PCDHGA2: variants seen among roughly 807,000 people sequenced by gnomAD.
PCDHGA2 encodes protocadherin gamma subfamily A, 2, also known as protocadherin gamma-A2.
A neutral mutation model predicts 59.2 loss-of-function variants in PCDHGA2; 40 were observed. The observed-to-expected ratio is 0.68, with a 90% CI of 0.52 to 0.88. The LOEUF (loss-of-function observed/expected upper bound fraction) is 0.88, where lower values mean the gene tolerates loss of function less well. PCDHGA2 is among the 40% of genes least tolerant of loss of function. The probability of loss-of-function intolerance (pLI) is 0.00; values close to 1 mark genes in which losing one functional copy is unlikely to be tolerated. For synonymous variants in PCDHGA2, 560 were observed against 526.0 expected (o/e 1.06, Z -0.89); for missense variants, 1,226 against 1,204.0 (o/e 1.02, Z -0.27).
At chr5:141,352,051 C>G (rs1319194846) in intron 1 of PCDHGA2, 2 of 1,607,206 alleles carry the variant, frequency 1.2e-6, no homozygotes, top group East Asian at 2.2e-5. Flanking sequence ...CAGGACACAA[C>G]GCTTGGCTGT....
rs1247622738 is a variant in PCDHGA2 at position 141,339,685 on chromosome 5, T to A, written c.714T>A (p.Asn238Lys). ...ICVKVLDAND[N>K]APVFTQPEYR... ...TGAAGGTCCTGGATGCGAACGACAA[T>A]GCGCCTGTTTTTACACAGCCCGAGT... Residue 238 changes from asparagine (N) to lysine (K), a missense_variant, in exon 1 of 4, where the codon AAT (asparagine) becomes AAA (lysine). By Grantham distance (94) the Asn-to-Lys change is moderately conservative. Transcript: ENST00000394576. The A allele has an allele frequency of 1.9e-6, 3 of 1,614,118 alleles. No homozygotes were observed. The African/African-American group carries it at 4.0e-5, about 22-fold the overall frequency.
At chr5:141,422,420 C>A in intron 1 of PCDHGA2, 2 of 1,607,576 alleles carry the variant, frequency 1.2e-6, no homozygotes, top group Non-Finnish European at 1.7e-6. Context: ...TTAGAAAAGA[C>A]TTATGGAAAT....
chr5:141,375,761 C>T (rs1771855837), intron 1 of PCDHGA2: 1 of 1,614,118 alleles, frequency 6.2e-7, no homozygotes, highest in Admixed American at 1.7e-5. Flanking sequence ...TGACAATGCG[C>T]CCGAGATCCT....
chr5:141,384,763 T>C, intron 1 of PCDHGA2: 1 of 1,613,952 alleles, frequency 6.2e-7, no homozygotes. Context: ...GGTTGGGCTG[T>C]ACACGGGCGA....
chr5:141,350,257 T>A (rs1295049425), intron 1 of PCDHGA2: 1 of 1,509,952 alleles, frequency 6.6e-7, no homozygotes, highest in Non-Finnish European at 8.8e-7. Context: ...GGAGAGTTCC[T>A]GAAATGCAGA....
In PCDHGA2 at chr5:141,423,081, C is replaced by T. The variant is rs1393904828; in HGVS notation, c.2425-71726C>T. 3.1e-6 allele frequency: 5 copies of T among 1,613,966 alleles called. No individual in the cohort carries two copies. The African/African-American group carries it at 4.0e-5, about 13-fold the overall frequency. ...TTAAGGCCAGCGAGCCGGGACTCTT[C>T]GCGGTGGGGGAGCACACGGGCGAGG... is the stretch of plus-strand genomic sequence containing the variant. On this transcript the variant is annotated intron_variant, in intron 1 of 3. Coordinates refer to ENST00000394576, the MANE Select transcript of PCDHGA2 (RefSeq NM_018915.4).
intron 1 of PCDHGA2, among the ~76,000 whole-genome samples, chr5:141,492,474 G>T (rs2099741007): frequency 6.6e-6 from 1 of 152,218 alleles, no homozygotes; most frequent in African/African-American, 2.4e-5. Context: ...CCCAGATCGC[G>T]GCCGCCCAGG....
chr5:141,472,770 G>C (rs953423129), intron 1 of PCDHGA2, among the ~76,000 whole-genome samples: 5 of 152,046 alleles, frequency 3.3e-5, no homozygotes, highest in Admixed American at 6.6e-5. Flanking sequence ...CAGATCACCT[G>C]AGGTTGGGAG....
chr5:141,381,143 G>A (rs1277267624), intron 1 of PCDHGA2, among the ~76,000 whole-genome samples: 1 of 152,184 alleles, frequency 6.6e-6, no homozygotes, highest in Non-Finnish European at 1.5e-5. Flanking sequence ...CCACCAGAAA[G>A]CAGAAATAGG....
At chr5:141,381,949 C>T (rs897929706) in intron 1 of PCDHGA2, among the ~76,000 whole-genome samples, 2 of 150,880 alleles carry the variant, frequency 1.3e-5, no homozygotes, top group Non-Finnish European at 2.9e-5. Context: ...CCTGCCTCAG[C>T]CTCCTGAGTA....
At chr5:141,344,939 A>G in intron 1 of PCDHGA2, 9 of 1,613,932 alleles carry the variant, frequency 5.6e-6, no homozygotes, top group Admixed American at 1.7e-5. Context: ...GAGAAGTATC[A>G]ATATTAAAAA....
In PCDHGA2 at chr5:141,490,682, C is replaced by T. The variant is rs1286126848; in HGVS notation, c.2425-4125C>T. On this transcript the variant is annotated intron_variant, in intron 1 of 3. Coordinates refer to ENST00000394576, the MANE Select transcript of PCDHGA2 (RefSeq NM_018915.4). The surrounding 1 kb of genome is among the most constrained non-coding windows in gnomAD (Gnocchi z 5.4). ...CTTTGCACTGTGGCTGCCTCAGATC[C>T]AGACACTGGGGATAATGCCCGCCTC... 10 of 1,614,054 alleles carry T rather than the reference C, an allele frequency of 6.2e-6. No homozygotes were observed. The highest frequency in any genetic ancestry group is 3.3e-5 in the Admixed American group (2 of 60,008).
chr5:141,506,162 C>T (rs1448735916), intron 3 of PCDHGA2, among the ~76,000 whole-genome samples: 1 of 152,124 alleles, frequency 6.6e-6, no homozygotes, highest in Non-Finnish European at 1.5e-5. Flanking sequence ...CTTAAGAGCA[C>T]AGCCTAAGCT....
At chr5:141,382,271 A>T (rs1445188092) in intron 1 of PCDHGA2, among the ~76,000 whole-genome samples, 1 of 152,214 alleles carries the variant, frequency 6.6e-6, no homozygotes, top group East Asian at 1.9e-4. Context: ...TCTAGAACAT[A>T]TGTGTTCAAT....
At chr5:141,418,794 TAGAA>T in intron 1 of PCDHGA2, 1 of 1,613,706 alleles carries the variant, frequency 6.2e-7, no homozygotes, top group South Asian at 1.1e-5. Flanking sequence ...TTTGAAGAAG[TAGAA>T]AGATATACGA....
Position 141,432,099 on chromosome 5 carries a change from A to G in PCDHGA2, c.2425-62708A>G. On this transcript the variant is annotated intron_variant, in intron 1 of 3. Transcript: ENST00000394576. This position sits in a 1 kb window ranked among gnomAD's most constrained non-coding sequence, Gnocchi z 6.0. ...TCGCTGAACGTGGCAGACACCAACG[A>G]CAACCCGCCGGTCTTCCCTCAGGCC... 6.2e-7 allele frequency: 1 copy of G among 1,614,102 alleles called. No homozygotes were observed. The highest frequency in any genetic ancestry group is 1.1e-5 in the South Asian group (1 of 91,070).
chr5:141,376,144 G>C, intron 1 of PCDHGA2: 1 of 1,613,918 alleles, frequency 6.2e-7, no homozygotes, highest in Non-Finnish European at 8.5e-7. Context: ...CCAACGATTC[G>C]GACCTCACTC....
At position 141,486,778 on chromosome 5, in the gene PCDHGA2, G is replaced by A. The variant is rs750169906; in HGVS notation, c.2425-8029G>A. The A allele has an allele frequency of 1.2e-6, 2 of 1,614,104 alleles. No individual in the cohort carries two copies. Among genetic ancestry groups the A allele is most frequent in the Admixed American group, 1.7e-5 (1 of 60,006 alleles). ...AAACCCAGACACTGCAGTTTGAGGT[G>A]CAGGCCCGGGATCGGGGCAACCCAC... is the stretch of plus-strand genomic sequence containing the variant. On this transcript the variant is annotated intron_variant, in intron 1 of 3. Coordinates refer to ENST00000394576, the MANE Select transcript of PCDHGA2 (RefSeq NM_018915.4). This position sits in a 1 kb window ranked among gnomAD's most constrained non-coding sequence, Gnocchi z 5.0.
Position 141,476,263 on chromosome 5 carries a change from C to T in PCDHGA2, c.2425-18544C>T. 1 of 1,613,940 alleles carries T rather than the reference C, an allele frequency of 6.2e-7. No individual in the cohort carries two copies. The highest frequency in any genetic ancestry group is 8.5e-7 in the Non-Finnish European group (1 of 1,180,010). Reference sequence around the variant, plus strand: ...GAGAGAAGGGTTTCGCTGTGGGCAACGTGGTCGCGAACCTTGGTTTGGATC... The same window carrying T: ...GAGAGAAGGGTTTCGCTGTGGGCAATGTGGTCGCGAACCTTGGTTTGGATC... On this transcript the variant is annotated intron_variant, in intron 1 of 3. Transcript: ENST00000394576. The surrounding 1 kb of genome is among the most constrained non-coding windows in gnomAD (Gnocchi z 7.6).
Sources: gnomAD v4.1 joint callset for allele counts (sites outside exome capture counted in the v4.1 genomes callset) on GRCh38, gnomAD v4.1.1 for gene constraint, Gnocchi (gnomAD v3.1) non-coding constraint, MANE v1.5 for transcripts, NCBI Gene and HGNC (gene_info 2026-07-23, HGNC 2026-07-21) for gene names.